FGGY: variants seen among roughly 807,000 people sequenced by gnomAD.
FGGY encodes the protein FGGY carbohydrate kinase domain containing, also known as FGGY carbohydrate kinase domain-containing protein.
A neutral mutation model predicts 71.3 loss-of-function variants in FGGY; 72 were observed. That is an observed-to-expected ratio of 1.01 (90% confidence interval 0.84 to 1.23). FGGY has a LOEUF of 1.23. Ranked by LOEUF, FGGY falls within the 50% of genes most tolerant of loss-of-function variation. The pLI, the probability that FGGY is intolerant of heterozygous loss-of-function variation, is 0.00. For missense variants in FGGY, 668 were observed against 682.3 expected (o/e 0.98, Z 0.23); for synonymous variants, 251 against 250.3 (o/e 1.00, Z -0.02).
At chr1:59,483,653 C>G (rs2093571946) in intron 6 of FGGY, among the ~76,000 whole-genome samples, 1 of 151,752 alleles carries the variant, frequency 6.6e-6, no homozygotes, top group South Asian at 2.1e-4. Context: ...TATTTTTTAC[C>G]AACCTAAGCA....
intron 8 of FGGY, among the ~76,000 whole-genome samples, chr1:59,589,971 A>T (rs556488637): frequency 3.3e-5 from 5 of 152,178 alleles, no homozygotes; most frequent in Admixed American, 6.5e-5. Context: ...GACATAAAAA[A>T]CCCTTCAAAA....
In FGGY at chr1:59,737,068, G is replaced by A. The variant is rs539925581; in HGVS notation, c.1513-20863G>A. Among the ~76,000 whole-genome samples, 37 of 152,388 alleles carry A rather than the reference G, an allele frequency of 2.4e-4. No individual in the cohort carries two copies. In the South Asian group the frequency reaches 6.4e-3, roughly 26 times the overall value. ...AGCTCAGGCCATGGCTTCTAAAGGC[G>A]CAAGCCTCAAGCCTTGGCAGCTTCC... On this transcript the variant is annotated intron_variant, in intron 14 of 15. Coordinates refer to ENST00000303721, the MANE Select transcript of FGGY (RefSeq NM_018291.5).
intron 2 of FGGY, among the ~76,000 whole-genome samples, chr1:59,332,844 T>C (rs2048761785): frequency 6.6e-6 from 1 of 152,244 alleles, no homozygotes; most frequent in South Asian, 2.1e-4. Context: ...GTCATTTTTA[T>C]ATGTGCTTAC....
chr1:59,299,900 G>A (rs2042501380), intron 1 of FGGY, among the ~76,000 whole-genome samples: 1 of 152,306 alleles, frequency 6.6e-6, no homozygotes, highest in East Asian at 1.9e-4. Context: ...GCAGGTAATC[G>A]GAATGAGTCA....
chr1:59,474,051 A>G (rs1236401627), intron 6 of FGGY: 1 of 152,264 alleles, frequency 6.6e-6, no homozygotes, highest in African/African-American at 2.4e-5. Flanking sequence ...CTGGAGGACA[A>G]GAATATTCAC....
chr1:59,520,672 A>T (rs2094801598), intron 7 of FGGY, among the ~76,000 whole-genome samples: 1 of 152,216 alleles, frequency 6.6e-6, no homozygotes, highest in Non-Finnish European at 1.5e-5. Context: ...TAAGATAATA[A>T]ATATAAGAGG....
chr1:59,689,098 C>T (rs2097568957), intron 14 of FGGY, among the ~76,000 whole-genome samples: 1 of 151,716 alleles, frequency 6.6e-6, no homozygotes, highest in African/African-American at 2.4e-5. Flanking sequence ...ACCCTATCTT[C>T]CAGGAACAGA....
intron 5 of FGGY, among the ~76,000 whole-genome samples, chr1:59,387,041 G>A (rs796646085): frequency 2.8e-4 from 42 of 151,364 alleles, no homozygotes; most frequent in Admixed American, 1.9e-3. Context: ...TAATTATTAC[G>A]TTTCTGATGT....
intron 8 of FGGY, among the ~76,000 whole-genome samples, chr1:59,554,887 A>G (rs1269134673): frequency 6.6e-6 from 1 of 152,188 alleles, no homozygotes; most frequent in Non-Finnish European, 1.5e-5. Context: ...TACTCTGTTA[A>G]ACTTAAATCG....
At chr1:59,542,625 T>A (rs2095461600) in intron 7 of FGGY, among the ~76,000 whole-genome samples, 1 of 151,758 alleles carries the variant, frequency 6.6e-6, no homozygotes, top group Non-Finnish European at 1.5e-5. Context: ...CCCGGCTAAT[T>A]TTGTATTTTT....
intron 8 of FGGY, among the ~76,000 whole-genome samples, chr1:59,581,638 C>G (rs1473306909): frequency 6.7e-6 from 1 of 150,230 alleles, no homozygotes; most frequent in African/African-American, 2.5e-5. Flanking sequence ...GCAGTCTACC[C>G]TGTCCAATTA....
chr1:59,496,588 A>T (rs1396381853), intron 6 of FGGY, among the ~76,000 whole-genome samples: 2 of 152,180 alleles, frequency 1.3e-5, no homozygotes, highest in African/African-American at 4.8e-5. Context: ...TATGCTTATC[A>T]GCTGGGTGAT....
chr1:59,747,793 A>C (rs1341322787), intron 14 of FGGY, among the ~76,000 whole-genome samples: 1 of 152,242 alleles, frequency 6.6e-6, no homozygotes, highest in African/African-American at 2.4e-5. Flanking sequence ...TGTCTTTGAC[A>C]GTGAAGAAAG....
intron 14 of FGGY, among the ~76,000 whole-genome samples, chr1:59,721,681 T>A (rs2097897589): frequency 6.6e-6 from 1 of 152,068 alleles, no homozygotes; most frequent in Non-Finnish European, 1.5e-5. Context: ...TTACCTTTAT[T>A]ATTAACATCT....
intron 6 of FGGY, among the ~76,000 whole-genome samples, chr1:59,508,592 G>C (rs2094448768): frequency 1.3e-5 from 2 of 152,276 alleles, no homozygotes; most frequent in South Asian, 4.1e-4. Context: ...TAAACTTAGA[G>C]TGTGATTTTG....
intron 4 of FGGY, among the ~76,000 whole-genome samples, chr1:59,375,879 G>GTTTT (rs770578651): frequency 4.0e-4 from 40 of 99,338 alleles, no homozygotes; most frequent in Non-Finnish European, 5.0e-4. Context: ...ATCTAAAGTA[G>GTTTT]TTTTTTTTTT....
At chr1:59,451,539 A>G (rs1382780744) in intron 5 of FGGY, among the ~76,000 whole-genome samples, 5 of 142,332 alleles carry the variant, frequency 3.5e-5, no homozygotes, top group African/African-American at 1.2e-4. Flanking sequence ...ACATACATGC[A>G]TATATATACA....
intron 1 of FGGY, 134 bp from the exon 2 acceptor site, chr1:59,321,402 T>G (rs905891721): frequency 3.1e-5 from 23 of 738,292 alleles, no homozygotes; most frequent in Non-Finnish European, 4.7e-5. Context: ...TAAAAATGTT[T>G]GTTGGATGAA....
At chr1:59,621,414 T>C (rs1399487624) in intron 9 of FGGY, among the ~76,000 whole-genome samples, 4 of 143,226 alleles carry the variant, frequency 2.8e-5, no homozygotes, top group African/African-American at 1.0e-4. Flanking sequence ...AGTTTCCATG[T>C]GATATCTTTT....
Sources: gnomAD v4.1 joint callset for allele counts (sites outside exome capture counted in the v4.1 genomes callset) on GRCh38, gnomAD v4.1.1 for gene constraint, MANE v1.5 for transcripts, NCBI Gene and HGNC (gene_info 2026-07-23, HGNC 2026-07-21) for gene names.